TCF20: variants seen among roughly 807,000 people sequenced by gnomAD.
The protein encoded by TCF20 is SPRE-binding protein.
TCF20 carries 3 observed loss-of-function variants against 148.6 expected under a neutral mutation model. The observed-to-expected ratio is 0.02, with a 90% CI of 0.01 to 0.05. TCF20 has a LOEUF of 0.05. Ranked by LOEUF, TCF20 falls within the 10% of genes least tolerant of loss-of-function variation. The pLI, the probability that TCF20 is intolerant of heterozygous loss-of-function variation, is 1.00. For missense variants in TCF20, 2,350 were observed against 2,429.3 expected (o/e 0.97, Z 0.69); for synonymous variants, 1,049 against 909.5 (o/e 1.15, Z -2.76).
At chr22:42,202,885 G>A (rs1332675760) in intron 2 of TCF20, among the ~76,000 whole-genome samples, 10 of 152,298 alleles carry the variant, frequency 6.6e-5, no homozygotes, top group South Asian at 2.1e-4. Context: ...CTAAGGGGCC[G>A]AGGCTGAGGC....
At chr22:42,284,203 G>T (rs1297815765), upstream of TCF20, among the ~76,000 whole-genome samples, 2 of 152,234 alleles carry the variant, frequency 1.3e-5, no homozygotes, top group African/African-American at 2.4e-5. Flanking sequence ...CGTGGAGGGG[G>T]GCAGGGGAGG....
chr22:42,201,368 T>G (rs1194633345), intron 2 of TCF20, among the ~76,000 whole-genome samples: 3 of 152,178 alleles, frequency 2.0e-5, no homozygotes, highest in Admixed American at 6.5e-5. Context: ...TGGAATGCTA[T>G]AGGGAAGTAT....
chr22:42,200,572 G>A (rs925489027), intron 2 of TCF20, among the ~76,000 whole-genome samples: 19 of 151,060 alleles, frequency 1.3e-4, no homozygotes, highest in Admixed American at 1.1e-3. Flanking sequence ...AAACTGGGGG[G>A]TGGAGGTTGC....
At chr22:42,236,647 G>A (rs10427718) in intron 1 of TCF20, among the ~76,000 whole-genome samples, 11,624 of 152,196 alleles carry the variant, frequency 0.076, 1,475 homozygotes, top group African/African-American at 0.26. Flanking sequence ...AGCCAATGGA[G>A]AGTCACCTGC....
intron 1 of TCF20, among the ~76,000 whole-genome samples, chr22:42,221,643 T>C (rs999062149): frequency 4.6e-5 from 7 of 151,804 alleles, no homozygotes; most frequent in Non-Finnish European, 1.0e-4. Context: ...AAGTCCAAAA[T>C]TGGATGAGAT....
intron 1 of TCF20, among the ~76,000 whole-genome samples, chr22:42,219,271 G>A (rs529904579): frequency 6.9e-6 from 1 of 143,944 alleles, no homozygotes; most frequent in Non-Finnish European, 1.5e-5. Context: ...GAGGTAGGAC[G>A]ATTGCTTGAA....
At chr22:42,257,388 T>C (rs955927173) in intron 1 of TCF20, among the ~76,000 whole-genome samples, 12 of 152,182 alleles carry the variant, frequency 7.9e-5, no homozygotes, top group African/African-American at 2.7e-4. Flanking sequence ...ATTACTTTAA[T>C]AGAATTATGT....
chr22:42,328,950 C>T (rs756252850), intron 1 of TCF20, among the ~76,000 whole-genome samples: 2 of 152,338 alleles, frequency 1.3e-5, no homozygotes, highest in East Asian at 1.9e-4. Flanking sequence ...AAGCCTGAAA[C>T]GCCTGAACCA....
rs5758682 is a variant in TCF20, at chr22:42,249,196, C to A, written c.-37+21143G>T. Among the ~76,000 whole-genome samples the A allele has an allele frequency of 2.0e-5, 3 of 152,040 alleles. 1 individual carries two copies. Among genetic ancestry groups the A allele is most frequent in the Admixed American group, 2.0e-4 (3 of 15,270 alleles). ...ATTCTGAGGCTTTTTGACCTTGGAC[C>A]GAGAGATAACACCATTAGCTTCCCT... is the stretch of plus-strand genomic sequence containing the variant. On this transcript the variant is annotated intron_variant, in intron 1 of 5. Transcript: ENST00000677622.
chr22:42,175,641 A>G (rs959857772), intron 3 of TCF20, among the ~76,000 whole-genome samples: 2 of 151,780 alleles, frequency 1.3e-5, no homozygotes, highest in Non-Finnish European at 2.9e-5. Flanking sequence ...GCCTGGCCCA[A>G]CTGGTTAGCT....
At chr22:42,203,605 A>G (rs977543918) in intron 2 of TCF20, among the ~76,000 whole-genome samples, 18 of 152,230 alleles carry the variant, frequency 1.2e-4, no homozygotes, top group African/African-American at 4.1e-4. Flanking sequence ...AAGATATACC[A>G]CACAGTGTTA....
At chr22:42,293,919 G>C (rs576869859) in intron 1 of TCF20, among the ~76,000 whole-genome samples, 7 of 152,350 alleles carry the variant, frequency 4.6e-5, no homozygotes, top group Non-Finnish European at 8.8e-5. Context: ...AGAATCGCTT[G>C]AACCCTGGAG....
In TCF20 at chr22:42,293,108, C is replaced by T. The variant is rs1927163081; in HGVS notation, c.-37+50371G>A. Among the ~76,000 whole-genome samples the T allele has an allele frequency of 2.0e-5, 3 of 152,112 alleles. No individual in the cohort carries two copies. In the South Asian group the frequency reaches 6.2e-4, roughly 32 times the overall value. ...CAAGCCCAGGAGGAGGCCAAGTGTC[C>T]TTCCTTGGCACCTTCCCTAAAAGAT... On this transcript the variant is annotated intron_variant, in intron 1 of 1. Transcript: ENST00000515426.
chr22:42,208,601 ACAAAACAAAAC>A (rs1456376880), intron 2 of TCF20, among the ~76,000 whole-genome samples: 1 of 152,140 alleles, frequency 6.6e-6, no homozygotes, highest in Non-Finnish European at 1.5e-5. Context: ...ACAAAACAAA[ACAAAACAAAAC>A]CAAAACAAAA....
intron 1 of TCF20, among the ~76,000 whole-genome samples, chr22:42,262,564 A>C (rs1477480861): frequency 6.6e-6 from 1 of 152,160 alleles, no homozygotes; most frequent in Non-Finnish European, 1.5e-5. Flanking sequence ...GAAGACATCT[A>C]GCTGAAGATG....
chr22:42,303,306 C>G (rs544510832), intron 1 of TCF20, among the ~76,000 whole-genome samples: 1 of 152,216 alleles, frequency 6.6e-6, no homozygotes, highest in African/African-American at 2.4e-5. Context: ...CCACGCGTAC[C>G]GAGGAGCTGA....
intron 1 of TCF20, among the ~76,000 whole-genome samples, chr22:42,249,600 G>T (rs1569184985): frequency 6.6e-6 from 1 of 152,192 alleles, no homozygotes; most frequent in East Asian, 1.9e-4. Flanking sequence ...CAACGGCCAG[G>T]CAATAATCAG....
chr22:42,314,432 C>T (rs1009974536), intron 1 of TCF20, among the ~76,000 whole-genome samples: 1 of 152,254 alleles, frequency 6.6e-6, no homozygotes, highest in African/African-American at 2.4e-5. Context: ...CATCGCAGGC[C>T]CTCGGAGGAG....
chr22:42,310,618 G>A (rs889672200), intron 1 of TCF20, among the ~76,000 whole-genome samples: 3 of 152,186 alleles, frequency 2.0e-5, no homozygotes, highest in Non-Finnish European at 4.4e-5. Flanking sequence ...GTGGCAGCCC[G>A]CATGGCTGGA....
Sources: allele counts gnomAD v4.1 joint callset (sites outside exome capture counted in the v4.1 genomes callset), GRCh38; gene constraint gnomAD v4.1.1; transcripts MANE v1.5; gene names NCBI Gene and HGNC (gene_info 2026-07-23, HGNC 2026-07-21).